Variants in FLT1 observed in about 807,000 individuals in gnomAD.
FLT1 encodes vascular endothelial growth factor receptor 1.
FLT1 carries 49 observed loss-of-function variants against 156.3 expected under a neutral mutation model. That is an observed-to-expected ratio of 0.31 (90% CI 0.25 to 0.40). The LOEUF (loss-of-function observed/expected upper bound fraction) is 0.40. FLT1 is among the 10% of genes least tolerant of loss of function. The pLI, the probability that FLT1 is intolerant of heterozygous loss-of-function variation, is 1.00. For missense variants in FLT1, 1,322 were observed against 1,637.2 expected (o/e 0.81, Z 3.32); for synonymous variants, 594 against 583.8 (o/e 1.02, Z -0.25).
intron 14 of FLT1, among the ~76,000 whole-genome samples, chr13:28,382,280 C>T (rs1310164966): frequency 2.0e-5 from 3 of 152,084 alleles, no homozygotes; most frequent in East Asian, 1.9e-4. Flanking sequence ...GTACTCCAGG[C>T]GGAGAGTAAA....
Position 28,437,822 on chromosome 13 carries a change from G to A in FLT1, c.513+399C>T, listed in dbSNP as rs147341953. Among the ~76,000 whole-genome samples, 774 of 152,240 alleles carry A rather than the reference G, an allele frequency of 5.1e-3. 14 individuals carry two copies. The highest frequency in any genetic ancestry group is 0.036 in the East Asian group (186 of 5,178). On this transcript the variant is annotated intron_variant, in intron 4 of 29. Transcript: ENST00000282397. ...ATGCATGAAGCCAGAACATATCGAT[G>A]CCTGGAGAACTGGGCACCCTGCTGA...
At chr13:28,444,126 G>T (rs1878479002) in intron 3 of FLT1, among the ~76,000 whole-genome samples, 1 of 152,158 alleles carries the variant, frequency 6.6e-6, no homozygotes, top group Non-Finnish European at 1.5e-5. Context: ...AACAGGTGAA[G>T]ATTTCAATAC....
intron 1 of FLT1, among the ~76,000 whole-genome samples, chr13:28,479,251 A>C (rs1038052359): frequency 6.6e-6 from 1 of 152,202 alleles, no homozygotes; most frequent in Non-Finnish European, 1.5e-5. Context: ...TACATTAGCA[A>C]ATTTCTAAGA....
At chr13:28,402,820 C>T (rs1478848448) in intron 11 of FLT1, among the ~76,000 whole-genome samples, 1 of 152,148 alleles carries the variant, frequency 6.6e-6, no homozygotes, top group Non-Finnish European at 1.5e-5. Context: ...GACAGAGTCT[C>T]ACTCTGTCAC....
At chr13:28,494,740 C>G in intron 1 of FLT1, 40 bp downstream of exon 1, 1 of 1,507,596 alleles carries the variant, frequency 6.6e-7, no homozygotes, top group South Asian at 1.2e-5. Flanking sequence ...GCCGCCCCAT[C>G]GCAGCCCGCC....
At chr13:28,336,246 C>T (rs1037187321) in intron 17 of FLT1, among the ~76,000 whole-genome samples, 4 of 152,204 alleles carry the variant, frequency 2.6e-5, no homozygotes, top group African/African-American at 9.6e-5. Flanking sequence ...TTTGGCTTCC[C>T]TCAGCCTTTT....
At chr13:28,453,688 T>G (rs965290229) in intron 3 of FLT1, among the ~76,000 whole-genome samples, 18 of 152,250 alleles carry the variant, frequency 1.2e-4, no homozygotes, top group African/African-American at 3.6e-4. Flanking sequence ...GACATGATTT[T>G]GACCCCCACA....
At chr13:28,426,809 C>A (rs1292438039) in intron 10 of FLT1, among the ~76,000 whole-genome samples, 3 of 152,196 alleles carry the variant, frequency 2.0e-5, no homozygotes, top group African/African-American at 7.2e-5. Context: ...AATGCTAATG[C>A]AACTGACATA....
At chr13:28,354,773 T>C (rs201806976) in intron 15 of FLT1, among the ~76,000 whole-genome samples, 48 of 152,002 alleles carry the variant, frequency 3.2e-4, no homozygotes, top group African/African-American at 9.9e-4. Context: ...AGCATGGCAG[T>C]TGGGGGCAAT....
chr13:28,423,794 A>AT (rs1435879232), intron 10 of FLT1, among the ~76,000 whole-genome samples: 2 of 152,248 alleles, frequency 1.3e-5, no homozygotes, highest in Non-Finnish European at 2.9e-5. Context: ...GCTCAGACTC[A>AT]TGGGAGCAGG....
intron 14 of FLT1, among the ~76,000 whole-genome samples, chr13:28,379,265 C>T (rs1286577296): frequency 5.9e-5 from 9 of 152,164 alleles, no homozygotes; most frequent in South Asian, 2.1e-4. Flanking sequence ...ACCTGGGAGG[C>T]GGAGTTTGCA....
rs145983059 is a variant in FLT1, at chr13:28,312,497, G to A, written c.3387-399C>T. Among the ~76,000 whole-genome samples the A allele has an allele frequency of 4.5e-3, 681 of 151,564 alleles. 5 individuals are homozygous for A. Among genetic ancestry groups the A allele is most frequent in the African/African-American group, 0.016 (645 of 41,316 alleles). ...CTCCCCACACTTACAGAAGTAGGAC[G>A]ATGTCCTTAAAGTTAAAAAAAAAAA... On this transcript the variant is annotated intron_variant, in intron 25 of 29. Coordinates refer to ENST00000282397, the MANE Select transcript of FLT1 (RefSeq NM_002019.4).
intron 17 of FLT1, among the ~76,000 whole-genome samples, chr13:28,334,582 TG>T (rs1298535955): frequency 6.6e-6 from 1 of 152,354 alleles, no homozygotes; most frequent in East Asian, 1.9e-4. Context: ...GTTACTACTG[TG>T]GATTATAATA....
At chr13:28,413,986 A>C (rs1876489266) in intron 10 of FLT1, among the ~76,000 whole-genome samples, 1 of 152,218 alleles carries the variant, frequency 6.6e-6, no homozygotes, top group Admixed American at 6.5e-5. Context: ...TTCTTGTATC[A>C]TTCTAAAATT....
At chr13:28,370,686 G>C (rs1294124470) in intron 14 of FLT1, among the ~76,000 whole-genome samples, 1 of 152,120 alleles carries the variant, frequency 6.6e-6, no homozygotes, top group Non-Finnish European at 1.5e-5. Flanking sequence ...CTAACTCTAT[G>C]GTTATTATCT....
At chr13:28,309,797 AC>A (rs1870919745) in intron 27 of FLT1, among the ~76,000 whole-genome samples, 1 of 150,884 alleles carries the variant, frequency 6.6e-6, no homozygotes, top group Admixed American at 6.6e-5. Context: ...AGTGAGGCTG[AC>A]CTGTAATCCA....
At chr13:28,320,106 A>G (rs1034718716) in intron 23 of FLT1, among the ~76,000 whole-genome samples, 1 of 152,170 alleles carries the variant, frequency 6.6e-6, no homozygotes, top group Non-Finnish European at 1.5e-5. Context: ...AGATAGCAGG[A>G]ATCCCAGTGA....
At chr13:28,387,730 C>T in intron 13 of FLT1, 1 of 1,025,462 alleles carries the variant, frequency 9.8e-7, no homozygotes, top group Non-Finnish European at 1.2e-6. Flanking sequence ...CCTCCGTTAT[C>T]TTCACCTCCC....
At chr13:28,353,839 G>C (rs923420705) in intron 15 of FLT1, among the ~76,000 whole-genome samples, 7 of 152,114 alleles carry the variant, frequency 4.6e-5, no homozygotes, top group African/African-American at 1.7e-4. Flanking sequence ...TTTAAAGAAG[G>C]TACTTTGACT....
Sources: gnomAD v4.1 joint callset for allele counts (sites outside exome capture counted in the v4.1 genomes callset) on GRCh38, gnomAD v4.1.1 for gene constraint, MANE v1.5 for transcripts, NCBI Gene and HGNC (gene_info 2026-07-23, HGNC 2026-07-21) for gene names.